Variants in SPG7 observed in about 807,000 individuals in gnomAD.
SPG7 encodes SPG7 matrix AAA peptidase subunit, paraplegin, also known as mitochondrial inner membrane m-AAA protease component paraplegin.
In SPG7, 103 loss-of-function variants were observed where a neutral mutation model predicts 81.9. The observed-to-expected ratio is 1.26, with a 90% confidence interval of 1.07 to 1.48. The LOEUF is 1.48. Ranked by LOEUF, SPG7 falls within the 40% of genes most tolerant of loss-of-function variation. The pLI is 0.00. For synonymous variants in SPG7, 534 were observed against 444.2 expected (o/e 1.20, Z -2.54); for missense variants, 1,241 against 1,087.3 (o/e 1.14, Z -1.99).
intron 13 of SPG7, chr16:89,551,720 C>T (rs2058635806): frequency 6.6e-6 from 1 of 152,222 alleles, no homozygotes; most frequent in Non-Finnish European, 1.5e-5. Context: ...GAAACCCCAT[C>T]TCTACCAAAA....
intron 15 of SPG7, among the ~76,000 whole-genome samples, chr16:89,554,281 G>A (rs988626310): frequency 6.6e-6 from 1 of 152,088 alleles, no homozygotes; most frequent in Non-Finnish European, 1.5e-5. Context: ...GGCAGCTGTG[G>A]GTGGGTGTGG....
At chr16:89,533,388 C>G (rs938210290) in intron 9 of SPG7, 1 of 152,120 alleles carries the variant, frequency 6.6e-6, no homozygotes, top group Non-Finnish European at 1.5e-5. Context: ...AGGATGGTCT[C>G]GATCTCCTGA....
chr16:89,550,285 G>C, intron 12 of SPG7: 1 of 526,144 alleles, frequency 1.9e-6, no homozygotes, highest in Non-Finnish European at 3.5e-6. Context: ...TGATTCTCTT[G>C]CCTCAGCCTC....
At position 89,512,983 on chromosome 16, in the gene SPG7, C is replaced by G. The variant is rs769740451; in HGVS notation, c.322C>G (p.Gln108Glu). 8 of 1,613,000 alleles carry G rather than the reference C, an allele frequency of 5.0e-6. No individual in the cohort carries two copies. The South Asian group carries it at 8.8e-5, about 18-fold the overall frequency. ...TFYFNTSRLKQKNKEKDKSKG... is the reference protein window; with the variant it reads ...TFYFNTSRLKEKNKEKDKSKG... ...CTATTTTAACACCTCAAGGTTGAAGCAGAAGAATAAGGAGAAGGATAAGTC... is the reference window on the plus strand; with the variant it reads ...CTATTTTAACACCTCAAGGTTGAAGGAGAAGAATAAGGAGAAGGATAAGTC... Residue 108 changes from glutamine (Q) to glutamate (E), a missense_variant, in exon 3 of 17, where the codon CAG becomes GAG. Physicochemically the swap from Gln to Glu is conservative, Grantham distance 29 (BLOSUM62 2). Transcript: ENST00000645818.
Position 89,508,439 on chromosome 16 carries a change from C to G in SPG7, c.22C>G (p.Leu8Val), listed in dbSNP as rs773745485. 4 of 1,500,822 alleles carry G rather than the reference C, an allele frequency of 2.7e-6. No homozygotes were observed. Among genetic ancestry groups the G allele is most frequent in the Middle Eastern group, 2.3e-4 (1 of 4,270 alleles). 93.0% of individuals were successfully genotyped at this position (1,500,822 alleles called of 1,614,324 possible). The change falls in exon 1 of 17, where the codon CTC (leucine) becomes GTC (valine). Residue 8 changes from leucine (L) to valine (V), a missense_variant. Leu to Val is a conservative substitution (Grantham distance 32). Transcript: ENST00000645818. The stretch of plus-strand genomic sequence containing the variant: ...CAACATGGCCGTGCTGCTGCTGCTG[C>G]TCCGTGCCCTCCGCCGGGGTCCAGG... MAVLLLL[L>V]RALRRGPGPG...
At chr16:89,544,455 T>C in intron 9 of SPG7, 193 bp from the exon 10 acceptor site, 1 of 631,986 alleles carries the variant, frequency 1.6e-6, no homozygotes, top group Non-Finnish European at 2.8e-6. Flanking sequence ...GGCAAATTCC[T>C]GTTCCTCCTG....
In SPG7 at chr16:89,513,016, A is replaced by C; in HGVS notation, c.355A>C (p.Lys119Gln). 1 of 1,611,766 alleles carries C rather than the reference A, an allele frequency of 6.2e-7. No individual in the cohort carries two copies. Among genetic ancestry groups the C allele is most frequent in the Non-Finnish European group, 8.5e-7 (1 of 1,178,426 alleles). Residue 119 changes from lysine to glutamine, a missense_variant, in exon 3 of 17, where the codon AAG becomes CAG. Coordinates refer to ENST00000645818, the MANE Select transcript of SPG7 (RefSeq NM_003119.4). ...KNKEKDKSKG[K>Q]APEEDEEERR... ...TAAGGAGAAGGATAAGTCGAAGGGG[A>C]AGGCGCCTGAAGAGGACGAAGGTAT... is the stretch of plus-strand genomic sequence containing the variant.
intron 11 of SPG7, 167 bp downstream of exon 11, chr16:89,546,927 G>A (rs2058571837): frequency 3.1e-6 from 2 of 652,194 alleles, no homozygotes; most frequent in Non-Finnish European, 5.6e-6. Flanking sequence ...TGGGGCAGCA[G>A]GAGGTCCAGA....
intron 6 of SPG7, 51 bp from the exon 7 acceptor site, chr16:89,530,632 G>C: frequency 1.2e-6 from 2 of 1,613,468 alleles, no homozygotes; most frequent in East Asian, 2.2e-5. Context: ...GCATCGTGCT[G>C]CTGATTTCCT....
intron 16 of SPG7, chr16:89,556,421 G>C (rs146605038): frequency 3.8e-6 from 1 of 265,810 alleles, no homozygotes; most frequent in Admixed American, 4.8e-5. Context: ...CAGGTCCACC[G>C]GCACAGGACA....
chr16:89,545,046 T>C, intron 10 of SPG7: 1 of 506,334 alleles, frequency 2.0e-6, no homozygotes, highest in Non-Finnish European at 3.6e-6. Flanking sequence ...TGCAGTTCTG[T>C]TCACCTGCTA....
Position 89,557,187 on chromosome 16 carries a change from C to T in SPG7, c.*94C>T. On this transcript the variant is annotated 3_prime_UTR_variant, in exon 17 of 17. Coordinates refer to ENST00000645818, the MANE Select transcript of SPG7 (RefSeq NM_003119.4). ...TTTTCAGCTGAGGTTTGCACTTCCT[C>T]TCGCGGCCCTCAGTAGTCCCTGCAC... is the stretch of plus-strand genomic sequence containing the variant. The T allele has an allele frequency of 2.4e-6, 2 of 841,848 alleles. No individual in the cohort carries two copies. The highest frequency in any genetic ancestry group is 2.0e-6 in the Non-Finnish European group (1 of 508,276). The allele number at this position is 841,848 out of a possible 1,614,324, so 52.1% of individuals were successfully genotyped here.
intron 14 of SPG7, 114 bp downstream of exon 14, chr16:89,553,249 A>G: frequency 9.2e-7 from 1 of 1,089,632 alleles, no homozygotes; most frequent in Non-Finnish European, 1.4e-6. Flanking sequence ...CTTTGAATTT[A>G]TTAAGTATTT....
intron 9 of SPG7, chr16:89,536,746 G>A (rs567034949): frequency 1.1e-5 from 17 of 1,613,354 alleles, no homozygotes; most frequent in Middle Eastern, 1.8e-4. Flanking sequence ...GTGAGTCTGC[G>A]GCCTTCTTCT....
Position 89,557,040 on chromosome 16 carries a change from G to A in SPG7, c.2335G>A (p.Glu779Lys), listed in dbSNP as rs755429163. The A allele has an allele frequency of 5.6e-6, 9 of 1,612,788 alleles. No homozygotes were observed. Among genetic ancestry groups the A allele is most frequent in the African/African-American group, 2.7e-5 (2 of 75,004 alleles). Residue 779 changes from glutamate (E) to lysine (K), a missense_variant, in exon 17 of 17, where the codon GAA (glutamate) becomes AAA (lysine). By Grantham distance (56) the Glu-to-Lys change is moderately conservative. Transcript: ENST00000645818. The stretch of plus-strand genomic sequence containing the variant: ...ACAGGACTTGGGCGAGGAGGAGACC[G>A]AAGAGACCCAGCAGCCTCCACTTGG... ...EKQDLGEEET[E>K]ETQQPPLGGE...
At chr16:89,536,487 CAGGTGAGGCAGGTG>C (rs1236116849) in intron 9 of SPG7, among the ~76,000 whole-genome samples, 38 of 43,128 alleles carry the variant, frequency 8.8e-4, no homozygotes, top group African/African-American at 2.2e-3. Context: ...CGGGTGAGGT[CAGGTGAGGCAGGTG>C]AGGTGAGGCG....
intron 15 of SPG7, 133 bp from the exon 16 acceptor site, chr16:89,554,353 C>A (rs2058666474): frequency 1.4e-6 from 1 of 723,494 alleles, no homozygotes; most frequent in South Asian, 1.5e-5. Flanking sequence ...CAGGAGACCA[C>A]CTGTCGGCTG....
At chr16:89,529,681 C>G (rs2058314904) in intron 6 of SPG7, 102 bp downstream of exon 6, 1 of 876,800 alleles carries the variant, frequency 1.1e-6, no homozygotes, top group Non-Finnish European at 1.9e-6. Flanking sequence ...AAACCTGTTG[C>G]AGAGAGTAGC....
At chr16:89,516,603 G>C (rs2058099972) in intron 3 of SPG7, among the ~76,000 whole-genome samples, 1 of 151,790 alleles carries the variant, frequency 6.6e-6, no homozygotes, top group South Asian at 2.1e-4. Flanking sequence ...GCTCATGCCT[G>C]TCATCCCAGC....
Sources: gnomAD v4.1 joint callset for allele counts (sites outside exome capture counted in the v4.1 genomes callset) on GRCh38, gnomAD v4.1.1 for gene constraint, MANE v1.5 for transcripts, NCBI Gene and HGNC (gene_info 2026-07-23, HGNC 2026-07-21) for gene names.